The following XKR6 variants were observed in gnomAD, a reference collection of about 807,000 sequenced individuals.
XKR6 encodes the protein XK related 6.
In XKR6, 22 loss-of-function variants were observed where a neutral mutation model predicts 56.7. The observed-to-expected ratio is 0.39, with a 90% CI of 0.28 to 0.55. The LOEUF (loss-of-function observed/expected upper bound fraction) is 0.55, where lower values mean the gene tolerates loss of function less well. XKR6 is among the 20% of genes least tolerant of loss of function. XKR6 has a pLI of 0.66. For missense variants in XKR6, 852 were observed against 889.0 expected, an observed-to-expected ratio of 0.96 and a Z score of 0.53; for synonymous variants, 524 against 387.8, an observed-to-expected ratio of 1.35 and a Z score of -4.13.
At chr8:11,140,920 T>C (rs1039271627) in intron 1 of XKR6, among the ~76,000 whole-genome samples, 17 of 146,984 alleles carry the variant, frequency 1.2e-4, no homozygotes, top group African/African-American at 4.1e-4. Flanking sequence ...AAAAAAACCT[T>C]CCTGAGAAAC....
chr8:11,043,889 G>C lies in XKR6; in HGVS notation c.765-119059C>G, dbSNP rs115685007. Among the ~76,000 whole-genome samples the C allele has an allele frequency of 7.3e-3, 1,111 of 152,308 alleles. 16 individuals are homozygous for C. The highest frequency in any genetic ancestry group is 0.026 in the African/African-American group (1,063 of 41,562). ...TGATAAGATACCCAATTATAAACAG[G>C]ACCTAAGGCCGTGCAGGCAATGGTG... On this transcript the variant is annotated intron_variant, in intron 1 of 2. Transcript: ENST00000416569.
chr8:10,995,987 A>G (rs913569141), intron 1 of XKR6, among the ~76,000 whole-genome samples: 1 of 152,216 alleles, frequency 6.6e-6, no homozygotes, highest in Non-Finnish European at 1.5e-5. Flanking sequence ...TTCCTTGTTT[A>G]CATGATATAA....
chr8:11,158,106 G>C (rs1437310739), intron 1 of XKR6, among the ~76,000 whole-genome samples: 1 of 152,148 alleles, frequency 6.6e-6, no homozygotes, highest in African/African-American at 2.4e-5. Flanking sequence ...CACCCAACTT[G>C]CTACATTCAA....
At chr8:11,146,604 G>A (rs972612975) in intron 1 of XKR6, among the ~76,000 whole-genome samples, 26 of 149,010 alleles carry the variant, frequency 1.7e-4, no homozygotes, top group African/African-American at 6.0e-4. Flanking sequence ...ACTCCTGCCT[G>A]TGTAGAGTGA....
chr8:11,192,066 T>C (rs1430809322), intron 1 of XKR6, among the ~76,000 whole-genome samples: 1 of 152,124 alleles, frequency 6.6e-6, no homozygotes, highest in Non-Finnish European at 1.5e-5. Flanking sequence ...GACTCACGCC[T>C]ATAATCCTTG....
At chr8:10,982,812 G>A (rs955051149) in intron 1 of XKR6, among the ~76,000 whole-genome samples, 7 of 152,188 alleles carry the variant, frequency 4.6e-5, no homozygotes, top group African/African-American at 1.7e-4. Flanking sequence ...TTTGGTACAA[G>A]GACAAGAACG....
At chr8:11,045,760 G>A (rs755159753) in intron 1 of XKR6, among the ~76,000 whole-genome samples, 2 of 152,124 alleles carry the variant, frequency 1.3e-5, no homozygotes, top group South Asian at 2.1e-4. Context: ...AATTTCCACA[G>A]TCTCCACCAC....
chr8:11,137,595 C>A (rs114516886), intron 1 of XKR6: 1 of 456,208 alleles, frequency 2.2e-6, no homozygotes, highest in East Asian at 7.0e-5. Context: ...CTCTTTAGAA[C>A]CAGCTCTTCT....
chr8:11,050,031 C>T lies in XKR6; in HGVS notation c.765-125201G>A, dbSNP rs193196287. On this transcript the variant is annotated intron_variant, in intron 1 of 2. Transcript: ENST00000416569. ...AGAGATCTCGCATTTCCACTAGGAG[C>T]TGCTCCCTGGCCTTGAGCAACACGC... Among the ~76,000 whole-genome samples the T allele has an allele frequency of 2.0e-5, 3 of 152,312 alleles. No homozygotes were observed. In the East Asian group the frequency reaches 5.8e-4, roughly 29 times the overall value.
chr8:10,924,040 C>A (rs893555868), intron 2 of XKR6, among the ~76,000 whole-genome samples: 1 of 152,170 alleles, frequency 6.6e-6, no homozygotes, highest in Non-Finnish European at 1.5e-5. Flanking sequence ...TTGGGATGAT[C>A]CTTCTTGCCC....
chr8:11,193,739 C>T (rs1803710747), intron 1 of XKR6, among the ~76,000 whole-genome samples: 1 of 29,414 alleles, frequency 3.4e-5, no homozygotes, highest in African/African-American at 1.3e-4. Context: ...AAGGTTCTGA[C>T]CCCCCCCCCC....
chr8:10,899,590 A>G (rs1799980256), intron 2 of XKR6, among the ~76,000 whole-genome samples: 1 of 151,910 alleles, frequency 6.6e-6, no homozygotes, highest in Admixed American at 6.6e-5. Context: ...CCTCTCCACA[A>G]TCCCTGTTGC....
intron 1 of XKR6, among the ~76,000 whole-genome samples, chr8:11,122,604 T>C (rs959561852): frequency 2.6e-5 from 4 of 152,250 alleles, no homozygotes; most frequent in African/African-American, 9.6e-5. Context: ...AATAAGATAT[T>C]CTTTAGATAT....
intron 1 of XKR6, among the ~76,000 whole-genome samples, chr8:10,984,734 A>C (rs62490731): frequency 0.054 from 3,033 of 56,450 alleles, 52 homozygotes; most frequent in East Asian, 0.096. Context: ...CTCTCTCTCT[A>C]TATATATATA....
chr8:11,175,495 A>G (rs1047505083), intron 1 of XKR6: 6 of 153,544 alleles, frequency 3.9e-5, no homozygotes, highest in Admixed American at 2.0e-4. Context: ...TTGTTCCTAA[A>G]TCAGAAGAAG....
At chr8:11,029,877 G>A (rs6989797) in intron 1 of XKR6, among the ~76,000 whole-genome samples, 240 of 152,018 alleles carry the variant, frequency 1.6e-3, no homozygotes, top group African/African-American at 5.5e-3. Flanking sequence ...CCTACTCCAC[G>A]ATCTTGGCTG....
At chr8:11,172,594 T>G (rs543877977) in intron 1 of XKR6, among the ~76,000 whole-genome samples, 1 of 152,308 alleles carries the variant, frequency 6.6e-6, no homozygotes, top group South Asian at 2.1e-4. Context: ...GCAGTTTCCA[T>G]GCACCCAGGC....
At chr8:11,127,267 G>A (rs1199493872) in intron 1 of XKR6, among the ~76,000 whole-genome samples, 1 of 152,182 alleles carries the variant, frequency 6.6e-6, no homozygotes, top group African/African-American at 2.4e-5. Context: ...TTGAGTTCAA[G>A]GCCAAGCTCT....
chr8:10,949,476 T>C (rs1410803750), intron 1 of XKR6, among the ~76,000 whole-genome samples: 1 of 152,192 alleles, frequency 6.6e-6, no homozygotes, highest in Non-Finnish European at 1.5e-5. Flanking sequence ...TCCCCAGGGC[T>C]CTGAGCTCTC....
Sources: gnomAD v4.1 joint callset for allele counts (sites outside exome capture counted in the v4.1 genomes callset) on GRCh38, gnomAD v4.1.1 for gene constraint, MANE v1.5 for transcripts, NCBI Gene and HGNC (gene_info 2026-07-23, HGNC 2026-07-21) for gene names.